RABGAP1L: variants seen among roughly 807,000 people sequenced by gnomAD.
RABGAP1L encodes the protein rab GTPase-activating protein 1-like.
In RABGAP1L, 63 loss-of-function variants were observed where a neutral mutation model predicts 137.7. The ratio of observed to expected loss-of-function variants is 0.46; its 90% CI spans 0.37 to 0.56. The LOEUF (loss-of-function observed/expected upper bound fraction) is 0.56. Among genes scored for constraint, RABGAP1L ranks in the 20% least tolerant of loss-of-function variants. The probability of loss-of-function intolerance (pLI) is 0.00; values close to 1 mark genes in which losing one functional copy is unlikely to be tolerated. For missense variants in RABGAP1L, 1,095 were observed against 1,244.0 expected, an observed-to-expected ratio of 0.88 and a Z score of 1.80; for synonymous variants, 431 against 433.7, an observed-to-expected ratio of 0.99 and a Z score of 0.08.
chr1:174,517,518 G>A (rs1388474535), intron 13 of RABGAP1L, among the ~76,000 whole-genome samples: 2 of 151,884 alleles, frequency 1.3e-5, no homozygotes, highest in African/African-American at 4.8e-5. Flanking sequence ...TTCTAGAAAG[G>A]GAAGTTTAAA....
chr1:174,830,372 C>T (rs1003117520), intron 19 of RABGAP1L, among the ~76,000 whole-genome samples: 1 of 147,364 alleles, frequency 6.8e-6, no homozygotes, highest in Non-Finnish European at 1.5e-5. Flanking sequence ...TTTGCTTTTA[C>T]TCGTTAATAC....
intron 23 of RABGAP1L, 95 bp downstream of exon 23, chr1:174,978,985 C>A: frequency 7.3e-7 from 1 of 1,360,906 alleles, no homozygotes; most frequent in Non-Finnish European, 9.5e-7. Flanking sequence ...TTGAGACTAG[C>A]CTGAGCAACA....
intron 13 of RABGAP1L, chr1:174,545,983 A>C (rs1004774152): frequency 6.6e-6 from 1 of 152,222 alleles, no homozygotes; most frequent in African/African-American, 2.4e-5. Flanking sequence ...ATTAAAGTAG[A>C]AAGTTTTAAG....
chr1:174,194,475 C>G (rs962458977), intron 1 of RABGAP1L, among the ~76,000 whole-genome samples: 11 of 152,138 alleles, frequency 7.2e-5, no homozygotes, highest in African/African-American at 2.2e-4. Context: ...ACCTCGTGAT[C>G]TGCTCACCTC....
intron 10 of RABGAP1L, among the ~76,000 whole-genome samples, chr1:174,304,371 T>A (rs924287984): frequency 6.6e-6 from 1 of 151,932 alleles, no homozygotes; most frequent in Admixed American, 6.6e-5. Context: ...ATATATTTAT[T>A]TGAAATTGTT....
At chr1:174,226,003 C>T (rs10912748) in intron 3 of RABGAP1L, among the ~76,000 whole-genome samples, 9,686 of 151,770 alleles carry the variant, frequency 0.064, 1,010 homozygotes, top group African/African-American at 0.22. Flanking sequence ...GTTCTGTGGT[C>T]GGGGCTAGTG....
At chr1:174,838,843 G>A (rs1306165125) in intron 19 of RABGAP1L, among the ~76,000 whole-genome samples, 5 of 144,302 alleles carry the variant, frequency 3.5e-5, no homozygotes, top group East Asian at 2.1e-4. Context: ...GCGTGAACCC[G>A]GGAGGCGGAG....
At chr1:174,813,669 A>G (rs552174756) in intron 19 of RABGAP1L, among the ~76,000 whole-genome samples, 171 of 152,314 alleles carry the variant, frequency 1.1e-3, no homozygotes, top group Non-Finnish European at 1.5e-3. Flanking sequence ...TGAAGTTTTC[A>G]TTCTGAAATG....
At chr1:174,476,973 G>C (rs1336661342) in intron 13 of RABGAP1L, among the ~76,000 whole-genome samples, 1 of 152,156 alleles carries the variant, frequency 6.6e-6, no homozygotes, top group African/African-American at 2.4e-5. Context: ...AATTTAATTT[G>C]GGTTATTTGT....
chr1:174,534,761 C>T (rs1017487556), intron 13 of RABGAP1L, among the ~76,000 whole-genome samples: 2 of 100,574 alleles, frequency 2.0e-5, no homozygotes, highest in African/African-American at 7.9e-5. Context: ...GATGACAGAG[C>T]GAAACTCTGT....
chr1:174,344,287 T>C (rs898020721), intron 11 of RABGAP1L, among the ~76,000 whole-genome samples: 5 of 152,174 alleles, frequency 3.3e-5, no homozygotes, highest in Admixed American at 1.3e-4. Flanking sequence ...TTATTGAGCA[T>C]TTACACCTGC....
At chr1:174,172,991 A>C (rs576624651) in intron 1 of RABGAP1L, among the ~76,000 whole-genome samples, 1 of 152,246 alleles carries the variant, frequency 6.6e-6, no homozygotes, top group East Asian at 1.9e-4. Context: ...GTTTTATTAT[A>C]GATATTAGTG....
At chr1:174,785,028 A>G (rs1328432579) in intron 18 of RABGAP1L, among the ~76,000 whole-genome samples, 1 of 152,214 alleles carries the variant, frequency 6.6e-6, no homozygotes, top group Non-Finnish European at 1.5e-5. Context: ...TTCACAATAC[A>G]ATATTTCCAT....
chr1:174,480,179 A>G, intron 13 of RABGAP1L, among the ~76,000 whole-genome samples: 1 of 152,184 alleles, frequency 6.6e-6, no homozygotes, highest in Admixed American at 6.5e-5. Flanking sequence ...GTATTTATAT[A>G]ATTCCTAATT....
intron 19 of RABGAP1L, among the ~76,000 whole-genome samples, chr1:174,925,215 A>G (rs1202010428): frequency 6.6e-6 from 1 of 151,814 alleles, no homozygotes; most frequent in African/African-American, 2.4e-5. Flanking sequence ...AATACAAAAA[A>G]TTAGCCGGGC....
intron 11 of RABGAP1L, among the ~76,000 whole-genome samples, chr1:174,325,580 C>A (rs1236361855): frequency 6.6e-6 from 1 of 152,134 alleles, no homozygotes; most frequent in Non-Finnish European, 1.5e-5. Flanking sequence ...CATTACAGTA[C>A]CACACGTGGA....
At chr1:174,373,389 T>C (rs1162764396) in intron 12 of RABGAP1L, among the ~76,000 whole-genome samples, 2 of 152,148 alleles carry the variant, frequency 1.3e-5, no homozygotes, top group African/African-American at 4.8e-5. Context: ...GTAACCCAAG[T>C]AGTAGGAAAC....
intron 1 of RABGAP1L, among the ~76,000 whole-genome samples, chr1:174,167,467 A>G (rs1665009813): frequency 6.6e-6 from 1 of 152,212 alleles, no homozygotes; most frequent in African/African-American, 2.4e-5. Flanking sequence ...CACCTGGCAA[A>G]TGGTTGAAAA....
intron 19 of RABGAP1L, among the ~76,000 whole-genome samples, chr1:174,880,009 C>T (rs1201831035): frequency 1.3e-5 from 2 of 149,642 alleles, no homozygotes; most frequent in African/African-American, 4.9e-5. Context: ...ATGAGAAATG[C>T]TTGAACCCAG....
Sources: allele counts gnomAD v4.1 joint callset (sites outside exome capture counted in the v4.1 genomes callset), GRCh38; gene constraint gnomAD v4.1.1; transcripts MANE v1.5; gene names NCBI Gene and HGNC (gene_info 2026-07-23, HGNC 2026-07-21).